Variants in FAM117B observed in about 807,000 individuals in gnomAD.
FAM117B encodes protein FAM117B.
Under a neutral mutation model 52.8 loss-of-function variants are expected in FAM117B, and 22 were observed. The observed-to-expected ratio is 0.42, with a 90% CI of 0.30 to 0.59. The LOEUF (loss-of-function observed/expected upper bound fraction) is 0.59. Ranked by LOEUF, FAM117B falls within the 20% of genes least tolerant of loss-of-function variation. The pLI, the probability that FAM117B is intolerant of heterozygous loss-of-function variation, is 0.22. For synonymous variants in FAM117B, 309 were observed against 324.1 expected, an observed-to-expected ratio of 0.95 and a Z score of 0.50; for missense variants, 678 against 802.6, an observed-to-expected ratio of 0.84 and a Z score of 1.88.
chr2:202,662,874 A>G (rs766622691), intron 1 of FAM117B, among the ~76,000 whole-genome samples: 6 of 152,040 alleles, frequency 3.9e-5, no homozygotes, highest in Non-Finnish European at 8.8e-5. Context: ...GAAATGATAA[A>G]TGTTTAAAAT....
chr2:202,674,646 A>T (rs1413736082), intron 1 of FAM117B, among the ~76,000 whole-genome samples: 1 of 152,238 alleles, frequency 6.6e-6, no homozygotes, highest in Non-Finnish European at 1.5e-5. Flanking sequence ...TTAGTTTACT[A>T]CAATAGCTAC....
intron 1 of FAM117B, among the ~76,000 whole-genome samples, chr2:202,650,835 CTTTA>C (rs1689944716): frequency 6.6e-6 from 1 of 152,162 alleles, no homozygotes. Flanking sequence ...CTCCTGCCTG[CTTTA>C]TTCTAGCCGC....
At chr2:202,660,771 G>A (rs1020148477) in intron 1 of FAM117B, among the ~76,000 whole-genome samples, 6 of 152,168 alleles carry the variant, frequency 3.9e-5, no homozygotes, top group Admixed American at 3.9e-4. Flanking sequence ...GAAATAACCT[G>A]GTTTCTCTCT....
rs1403017664 is a variant in FAM117B, at chr2:202,768,967, T to G, written c.*3203T>G. The stretch of plus-strand genomic sequence containing the variant: ...TGTTTCTGATCATGACTGAGTCTAT[T>G]ACTTGTCATGGCTTTTGTACGCAAC... On this transcript the variant is annotated 3_prime_UTR_variant, in exon 8 of 8. Transcript: ENST00000392238. 1 of 152,218 alleles carries G rather than the reference T, an allele frequency of 6.6e-6. No homozygotes were observed. The highest frequency in any genetic ancestry group is 1.5e-5 in the Non-Finnish European group (1 of 68,030). The allele number at this position is 152,218 out of a possible 1,614,324, so 9.4% of individuals were successfully genotyped here.
At chr2:202,657,306 T>C (rs1479770503) in intron 1 of FAM117B, among the ~76,000 whole-genome samples, 2 of 152,182 alleles carry the variant, frequency 1.3e-5, no homozygotes, top group Non-Finnish European at 2.9e-5. Context: ...CAGGCTGGTC[T>C]CCAACTCCTG....
Position 202,655,753 on chromosome 2 carries a change from AGAGAGAGAGT to A in FAM117B, c.601+19967_601+19976del, listed in dbSNP as rs1237194239. Among the ~76,000 whole-genome samples, 339 of 131,590 alleles carry A rather than the reference AGAGAGAGAGT, an allele frequency of 2.6e-3. 1 individual carries two copies. Among genetic ancestry groups the A allele is most frequent in the African/African-American group, 0.011 (299 of 27,166 alleles). 86.3% of individuals were successfully genotyped at this position (131,590 alleles called of 152,430 possible). Reference sequence around the variant, plus strand: ...GAGAGAGAGAGAGAGAGAGAGAGAGAGAGAGAGAGTGTGTGTGTGTGTGTGTGTGTGTTGA... The same window carrying A: ...GAGAGAGAGAGAGAGAGAGAGAGAGAGTGTGTGTGTGTGTGTGTGTGTTGA... On this transcript the variant is annotated intron_variant, in intron 1 of 7. Coordinates refer to ENST00000392238, the MANE Select transcript of FAM117B (RefSeq NM_173511.4).
chr2:202,655,699 G>C, intron 1 of FAM117B, among the ~76,000 whole-genome samples: 1 of 121,020 alleles, frequency 8.3e-6, no homozygotes. Flanking sequence ...GTGGGTGCGG[G>C]AAGAGAGTGA....
intron 4 of FAM117B, among the ~76,000 whole-genome samples, chr2:202,738,747 A>G (rs932334639): frequency 6.6e-6 from 1 of 152,210 alleles, no homozygotes; most frequent in Non-Finnish European, 1.5e-5. Context: ...AAATGGGGGT[A>G]GTAACTGCCT....
rs139587473 is a variant in FAM117B, at chr2:202,660,711, A to G, written c.601+24923A>G. On this transcript the variant is annotated intron_variant, in intron 1 of 7. Transcript: ENST00000392238. Reference sequence around the variant, plus strand: ...TTTTAACCTCTCCACACTATCATGAACTTCCTACAACTGGATATGCCTCTA... The same window carrying G: ...TTTTAACCTCTCCACACTATCATGAGCTTCCTACAACTGGATATGCCTCTA... Among the ~76,000 whole-genome samples, 42 of 152,292 alleles carry G rather than the reference A, an allele frequency of 2.8e-4. No individual in the cohort carries two copies. The East Asian group carries it at 4.6e-3, about 17-fold the overall frequency.
chr2:202,720,448 T>G (rs1395565232), intron 2 of FAM117B, among the ~76,000 whole-genome samples: 1 of 151,942 alleles, frequency 6.6e-6, no homozygotes, highest in Non-Finnish European at 1.5e-5. Context: ...TTTGAAAGTA[T>G]GTTGGAGATA....
At chr2:202,642,204 C>T (rs1182342467) in intron 1 of FAM117B, among the ~76,000 whole-genome samples, 4 of 150,498 alleles carry the variant, frequency 2.7e-5, no homozygotes, top group Non-Finnish European at 4.4e-5. Context: ...CTGTCCGCCT[C>T]GGCCTCCCAA....
At chr2:202,723,546 A>G (rs1691184694) in intron 2 of FAM117B, among the ~76,000 whole-genome samples, 1 of 152,112 alleles carries the variant, frequency 6.6e-6, no homozygotes, top group African/African-American at 2.4e-5. Context: ...GAGGTTTTTC[A>G]CTTAACAGTA....
intron 4 of FAM117B, among the ~76,000 whole-genome samples, chr2:202,744,710 C>T (rs192055784): frequency 1.6e-4 from 24 of 149,714 alleles, no homozygotes; most frequent in Admixed American, 4.0e-4. Context: ...TGGTGGCTCA[C>T]GCTTGTAAAT....
chr2:202,738,935 TC>T (rs1385650408), intron 4 of FAM117B, among the ~76,000 whole-genome samples: 1 of 152,202 alleles, frequency 6.6e-6, no homozygotes, highest in Non-Finnish European at 1.5e-5. Context: ...ACGCCTGTAA[TC>T]CCAGCACTTC....
intron 1 of FAM117B, among the ~76,000 whole-genome samples, chr2:202,668,202 ATTT>A (rs61255912): frequency 0.022 from 3,160 of 145,120 alleles, 124 homozygotes; most frequent in African/African-American, 0.074. Flanking sequence ...ATATTTATAT[ATTT>A]TTATATAATA....
intron 2 of FAM117B, among the ~76,000 whole-genome samples, chr2:202,722,481 C>G (rs1223989097): frequency 6.6e-6 from 1 of 152,170 alleles, no homozygotes; most frequent in Non-Finnish European, 1.5e-5. Flanking sequence ...CCATGGACTA[C>G]TGTGCAGCCA....
chr2:202,663,666 C>T (rs1321887775), intron 1 of FAM117B, among the ~76,000 whole-genome samples: 1 of 151,644 alleles, frequency 6.6e-6, no homozygotes, highest in African/African-American at 2.4e-5. Context: ...TCACTGCAAC[C>T]TCTGCCTCCC....
intron 7 of FAM117B, among the ~76,000 whole-genome samples, chr2:202,764,144 T>G (rs980604450): frequency 6.6e-6 from 1 of 152,246 alleles, no homozygotes; most frequent in Non-Finnish European, 1.5e-5. Flanking sequence ...AACACAGCTC[T>G]GTCCCCATCA....
chr2:202,712,263 G>A (rs1172577007), intron 2 of FAM117B, among the ~76,000 whole-genome samples: 3 of 151,694 alleles, frequency 2.0e-5, no homozygotes, highest in Non-Finnish European at 4.4e-5. Context: ...CACTTCTTTG[G>A]TTAATTCCTA....
Sources: gnomAD v4.1 joint callset for allele counts (sites outside exome capture counted in the v4.1 genomes callset) on GRCh38, gnomAD v4.1.1 for gene constraint, MANE v1.5 for transcripts, NCBI Gene and HGNC (gene_info 2026-07-23, HGNC 2026-07-21) for gene names.